The following CXCL13 variants were observed in gnomAD, a reference collection of about 807,000 sequenced individuals.
CXCL13 encodes the protein C-X-C motif chemokine 13.
A neutral mutation model predicts 12.2 loss-of-function variants in CXCL13; 7 were observed. The observed-to-expected ratio is 0.57, with a 90% CI of 0.33 to 1.07. The LOEUF is 1.07. Ranked by LOEUF, CXCL13 falls within the 50% of genes least tolerant of loss-of-function variation. CXCL13 has a pLI of 0.04. For synonymous variants in CXCL13, 47 were observed against 42.4 expected, an observed-to-expected ratio of 1.11 and a Z score of -0.42; for missense variants, 113 against 127.4, an observed-to-expected ratio of 0.89 and a Z score of 0.55.
chr4:77,514,576 A>C (rs1240459749), intron 1 of CXCL13, among the ~76,000 whole-genome samples: 6 of 146,104 alleles, frequency 4.1e-5, no homozygotes, highest in Non-Finnish European at 9.1e-5. Context: ...GCATTTTTTC[A>C]TGTGTTTTTT....
At chr4:77,579,552 G>C (rs1050531288) in intron 1 of CXCL13, among the ~76,000 whole-genome samples, 8 of 152,080 alleles carry the variant, frequency 5.3e-5, no homozygotes, top group African/African-American at 1.7e-4. Flanking sequence ...ATCCCTATTA[G>C]CTATGTGTCT....
At chr4:77,561,961 TTGGTGGGCCC>T (rs1725825747) in intron 1 of CXCL13, among the ~76,000 whole-genome samples, 1 of 152,114 alleles carries the variant, frequency 6.6e-6, no homozygotes, top group Non-Finnish European at 1.5e-5. Context: ...GGGTGTGGGC[TTGGTGGGCCC>T]TGCACTTGGA....
intron 1 of CXCL13, among the ~76,000 whole-genome samples, chr4:77,572,688 G>C (rs990569103): frequency 6.6e-6 from 1 of 151,850 alleles, no homozygotes; most frequent in African/African-American, 2.4e-5. Context: ...ATACCTTAAA[G>C]ACTTAAAAAC....
intron 1 of CXCL13, among the ~76,000 whole-genome samples, chr4:77,584,218 C>T (rs355686): frequency 0.22 from 33,065 of 152,094 alleles, 3,704 homozygotes; most frequent in East Asian, 0.33. Flanking sequence ...CAATAGATGG[C>T]TATTCAAGAT....
chr4:77,595,620 T>C (rs962734151), intron 1 of CXCL13, among the ~76,000 whole-genome samples: 1 of 152,224 alleles, frequency 6.6e-6, no homozygotes, highest in Admixed American at 6.5e-5. Context: ...TAGGTGTTAA[T>C]ACTCCACGTA....
At position 77,572,280 on chromosome 4, in the gene CXCL13, A is replaced by C. The variant is rs189704578; in HGVS notation, c.-42-33544A>C. ...GCCAGGAGTGGTGGCACATGCCTGT[A>C]ATCCCAGCTACTCAGGAAGCTGAGG... On this transcript the variant is annotated intron_variant, in intron 1 of 4. Coordinates refer to the CXCL13 transcript ENST00000286758. Among the ~76,000 whole-genome samples, 141 of 151,964 alleles carry C rather than the reference A, an allele frequency of 9.3e-4. 1 individual carries two copies. Among genetic ancestry groups the C allele is most frequent in the Non-Finnish European group, 1.6e-3 (108 of 68,010 alleles).
chr4:77,518,486 G>T lies in CXCL13; in HGVS notation c.-43+6698G>T, dbSNP rs933690982. ...TAGTCCCATATTTCTTGGAGGCTTT[G>T]TTCATTTCTTTTTATTCTTTTTTCT... On this transcript the variant is annotated intron_variant, in intron 1 of 4. Coordinates refer to the CXCL13 transcript ENST00000286758. Among the ~76,000 whole-genome samples, 7 of 152,124 alleles carry T rather than the reference G, an allele frequency of 4.6e-5. No individual in the cohort carries two copies. The East Asian group carries it at 5.8e-4, about 13-fold the overall frequency.
chr4:77,549,458 C>T (rs1725455299), intron 1 of CXCL13, among the ~76,000 whole-genome samples: 3 of 152,164 alleles, frequency 2.0e-5, no homozygotes, highest in Non-Finnish European at 4.4e-5. Flanking sequence ...CTGGTTTCTC[C>T]CCATCTTTGT....
intron 1 of CXCL13, among the ~76,000 whole-genome samples, chr4:77,515,238 C>T (rs543815566): frequency 7.9e-5 from 12 of 152,208 alleles, no homozygotes; most frequent in Middle Eastern, 3.4e-3. Flanking sequence ...AGTCAGGTAG[C>T]GTGATGCCTC....
intron 1 of CXCL13, among the ~76,000 whole-genome samples, chr4:77,538,889 C>G (rs1725134792): frequency 6.6e-6 from 1 of 152,090 alleles, no homozygotes; most frequent in Non-Finnish European, 1.5e-5. Flanking sequence ...AACCTCAATT[C>G]TTGTCTCCTC....
At chr4:77,580,843 C>T (rs1178437839) in intron 1 of CXCL13, among the ~76,000 whole-genome samples, 2 of 148,440 alleles carry the variant, frequency 1.3e-5, no homozygotes. Flanking sequence ...TCCTCCTTTC[C>T]CCTCTCCCTT....
rs532571053 is a variant in CXCL13, at chr4:77,572,994, G to T, written c.-42-32830G>T. On this transcript the variant is annotated intron_variant, in intron 1 of 4. Transcript: ENST00000286758. Reference sequence around the variant, plus strand: ...CAAACTAACACAGGAAAAAAAAACTGAATACCACATGTTCTCACTTATAAG... The same window carrying T: ...CAAACTAACACAGGAAAAAAAAACTTAATACCACATGTTCTCACTTATAAG... Among the ~76,000 whole-genome samples, 2 of 151,864 alleles carry T rather than the reference G, an allele frequency of 1.3e-5. 1 individual carries two copies. Among genetic ancestry groups the T allele is most frequent in the African/African-American group, 4.9e-5 (2 of 41,236 alleles).
At chr4:77,546,620 A>G (rs1560521899) in intron 1 of CXCL13, among the ~76,000 whole-genome samples, 1 of 151,902 alleles carries the variant, frequency 6.6e-6, no homozygotes, top group African/African-American at 2.4e-5. Flanking sequence ...TATTGCATCT[A>G]TTTGATTCTT....
At chr4:77,543,548 T>C (rs1208132543) in intron 1 of CXCL13, among the ~76,000 whole-genome samples, 1 of 152,164 alleles carries the variant, frequency 6.6e-6, no homozygotes, top group African/African-American at 2.4e-5. Flanking sequence ...ATTTTCATTG[T>C]GTCTCTGTCC....
chr4:77,523,671 G>A (rs57710947), intron 1 of CXCL13, among the ~76,000 whole-genome samples: 5,794 of 152,226 alleles, frequency 0.038, 368 homozygotes, highest in African/African-American at 0.13. Flanking sequence ...CCTTTAGCTT[G>A]GAGAAGTTTG....
chr4:77,516,930 T>C (rs1014263437), intron 1 of CXCL13, among the ~76,000 whole-genome samples: 1 of 152,128 alleles, frequency 6.6e-6, no homozygotes, highest in Non-Finnish European at 1.5e-5. Context: ...TCCTGCTTTC[T>C]CTTGTGGGCA....
chr4:77,554,900 C>T (rs956939289), intron 1 of CXCL13, among the ~76,000 whole-genome samples: 1 of 151,734 alleles, frequency 6.6e-6, no homozygotes, highest in African/African-American at 2.4e-5. Flanking sequence ...AAATACAATA[C>T]ATCATAATTT....
At chr4:77,561,832 T>A (rs1450016370) in intron 1 of CXCL13, among the ~76,000 whole-genome samples, 1 of 152,148 alleles carries the variant, frequency 6.6e-6, no homozygotes, top group Non-Finnish European at 1.5e-5. Flanking sequence ...TGGGAGCCCC[T>A]CTCTGGGCTG....
At chr4:77,610,096 G>A (rs901256253) in intron 2 of CXCL13, among the ~76,000 whole-genome samples, 1 of 152,160 alleles carries the variant, frequency 6.6e-6, no homozygotes, top group Non-Finnish European at 1.5e-5. Flanking sequence ...ATCTTGCTAA[G>A]TGGTAATTCG....
Sources: allele counts gnomAD v4.1 joint callset (sites outside exome capture counted in the v4.1 genomes callset), GRCh38; gene constraint gnomAD v4.1.1; transcripts MANE v1.5; gene names NCBI Gene and HGNC (gene_info 2026-07-23, HGNC 2026-07-21).